Variants in ADORA1 observed in about 807,000 individuals in gnomAD.
ADORA1 encodes the protein adenosine A1 receptor.
In ADORA1, 6 loss-of-function variants were observed where a neutral mutation model predicts 19.9. That is an observed-to-expected ratio of 0.30 (90% CI 0.17 to 0.59). ADORA1 has a LOEUF of 0.59. Ranked by LOEUF, ADORA1 falls within the 20% of genes least tolerant of loss-of-function variation. ADORA1 has a pLI of 0.87. For synonymous variants in ADORA1, 194 were observed against 188.4 expected, an observed-to-expected ratio of 1.03 and a Z score of -0.24; for missense variants, 302 against 439.2, an observed-to-expected ratio of 0.69 and a Z score of 2.79.
chr1:203,137,273 C>T (rs530889227), intron 3 of ADORA1, among the ~76,000 whole-genome samples: 36 of 152,142 alleles, frequency 2.4e-4, no homozygotes, highest in Middle Eastern at 3.4e-3. Flanking sequence ...TAGGAATGTA[C>T]CTGAAGGGTT....
intron 3 of ADORA1, among the ~76,000 whole-genome samples, chr1:203,139,789 A>G (rs997124018): frequency 6.6e-6 from 1 of 152,184 alleles, no homozygotes; most frequent in African/African-American, 2.4e-5. Flanking sequence ...TTTGACTGCA[A>G]TTTGTGAACT....
intron 3 of ADORA1, among the ~76,000 whole-genome samples, chr1:203,151,950 C>A (rs1178568050): frequency 1.3e-5 from 2 of 152,196 alleles, no homozygotes; most frequent in East Asian, 3.9e-4. Flanking sequence ...ATGGGTGCCC[C>A]TCACCACTGC....
intron 3 of ADORA1, chr1:203,144,758 T>C (rs1234394991): frequency 6.6e-6 from 1 of 152,220 alleles, no homozygotes; most frequent in Non-Finnish European, 1.5e-5. Flanking sequence ...TGTGAGGCAG[T>C]GCTCTTGGAA....
intron 3 of ADORA1, among the ~76,000 whole-genome samples, chr1:203,132,787 C>T (rs1654382732): frequency 5.3e-5 from 8 of 152,200 alleles, no homozygotes; most frequent in Admixed American, 5.2e-4. Context: ...GCGTATATTG[C>T]AGTGAGCCGA....
chr1:203,147,504 C>T (rs1006856667), intron 3 of ADORA1, among the ~76,000 whole-genome samples: 4 of 152,100 alleles, frequency 2.6e-5, no homozygotes, highest in African/African-American at 4.8e-5. Context: ...CTTTTGTGCC[C>T]GATATTGGGC....
chr1:203,133,067 C>T (rs1225740530), intron 3 of ADORA1, among the ~76,000 whole-genome samples: 1 of 151,264 alleles, frequency 6.6e-6, no homozygotes, highest in Non-Finnish European at 1.5e-5. Context: ...ATTCAATGTT[C>T]ATAGTCTCAC....
intron 3 of ADORA1, among the ~76,000 whole-genome samples, chr1:203,145,727 T>G (rs1056190074): frequency 6.6e-6 from 1 of 152,234 alleles, no homozygotes; most frequent in Non-Finnish European, 1.5e-5. Flanking sequence ...AGAACCAATG[T>G]GTAGCCACCA....
intron 3 of ADORA1, among the ~76,000 whole-genome samples, chr1:203,157,718 C>A (rs1158146723): frequency 6.6e-6 from 1 of 152,246 alleles, no homozygotes; most frequent in Admixed American, 6.5e-5. Context: ...CCTGCAGAAT[C>A]AGCACCATGT....
intron 3 of ADORA1, among the ~76,000 whole-genome samples, chr1:203,159,919 G>A (rs893118061): frequency 6.6e-6 from 1 of 152,224 alleles, no homozygotes; most frequent in Non-Finnish European, 1.5e-5. Flanking sequence ...TTTGCAGGAG[G>A]AGTGAGGCTC....
intron 3 of ADORA1, among the ~76,000 whole-genome samples, chr1:203,140,807 G>C (rs1654657469): frequency 6.6e-6 from 1 of 152,134 alleles, no homozygotes; most frequent in African/African-American, 2.4e-5. Context: ...CACTGGCTAG[G>C]CTCTTTCAGA....
intron 3 of ADORA1, among the ~76,000 whole-genome samples, chr1:203,143,700 A>G (rs1654770680): frequency 6.6e-6 from 1 of 152,220 alleles, no homozygotes; most frequent in Non-Finnish European, 1.5e-5. Flanking sequence ...TCCATGGTCC[A>G]GACAAAAGTC....
intron 3 of ADORA1, among the ~76,000 whole-genome samples, chr1:203,141,507 C>T (rs930541314): frequency 4.0e-5 from 6 of 151,578 alleles, no homozygotes; most frequent in Non-Finnish European, 8.8e-5. Context: ...AATGGTACCT[C>T]ACCAGTGATT....
intron 3 of ADORA1, among the ~76,000 whole-genome samples, chr1:203,134,688 T>C (rs963415108): frequency 1.3e-5 from 2 of 152,186 alleles, no homozygotes; most frequent in African/African-American, 2.4e-5. Flanking sequence ...GCAATCCATG[T>C]TGATTGTGAA....
chr1:203,161,183 C>T (rs1451078067), intron 3 of ADORA1, among the ~76,000 whole-genome samples: 5 of 152,248 alleles, frequency 3.3e-5, no homozygotes, highest in African/African-American at 1.2e-4. Context: ...CAAGTGATCC[C>T]TTTCCCTCTC....
At chr1:203,144,361 A>G (rs1030421899) in intron 3 of ADORA1, among the ~76,000 whole-genome samples, 5 of 152,186 alleles carry the variant, frequency 3.3e-5, no homozygotes, top group African/African-American at 1.2e-4. Context: ...TTAATGAATC[A>G]CTGAATGAAT....
chr1:203,144,508 T>G (rs575311951), intron 3 of ADORA1, among the ~76,000 whole-genome samples: 17 of 152,314 alleles, frequency 1.1e-4, no homozygotes, highest in African/African-American at 4.1e-4. Context: ...AATTAAATAA[T>G]ATATCCCCAT....
chr1:203,155,016 TTTATTATTATTATTATTA>T lies in ADORA1; in HGVS notation c.342-10221_342-10204del, dbSNP rs4020534. The stretch of plus-strand genomic sequence containing the variant: ...TCTGATGGCATCTGGGCTCTTCCTA[TTTATTATTATTATTATTA>T]TTATTATTATTATTATTATTATTGT... On this transcript the variant is annotated intron_variant, in intron 3 of 3. Transcript: ENST00000337894. 7.3e-3 allele frequency among the ~76,000 whole-genome samples: 1,039 copies of T among 142,350 alleles called. 10 individuals are homozygous for T. Among genetic ancestry groups the T allele is most frequent in the African/African-American group, 0.025 (978 of 38,502 alleles). 93.4% of individuals were successfully genotyped at this position (142,350 alleles called of 152,430 possible).
chr1:203,157,193 C>T (rs886442305), intron 3 of ADORA1, among the ~76,000 whole-genome samples: 9 of 152,222 alleles, frequency 5.9e-5, no homozygotes, highest in African/African-American at 2.2e-4. Context: ...AGGCAGGATT[C>T]ATCCTAAGGC....
intron 3 of ADORA1, among the ~76,000 whole-genome samples, chr1:203,140,863 C>T (rs1407786312): frequency 6.6e-6 from 1 of 152,214 alleles, no homozygotes; most frequent in African/African-American, 2.4e-5. Flanking sequence ...TTTTCCCTAC[C>T]CCAGGCCTCT....
Sources: gnomAD v4.1 joint callset for allele counts (sites outside exome capture counted in the v4.1 genomes callset) on GRCh38, gnomAD v4.1.1 for gene constraint, MANE v1.5 for transcripts, NCBI Gene and HGNC (gene_info 2026-07-23, HGNC 2026-07-21) for gene names.